The following PAPPA2 variants were observed in gnomAD, a reference collection of about 807,000 sequenced individuals.
The protein encoded by PAPPA2 is pappalysin-2.
In PAPPA2, 86 loss-of-function variants were observed where a neutral mutation model predicts 176.4. The ratio of observed to expected loss-of-function variants is 0.49; its 90% confidence interval spans 0.41 to 0.58. PAPPA2 has a LOEUF of 0.58. Among genes scored for constraint, PAPPA2 ranks in the 20% least tolerant of loss-of-function variants. The probability of loss-of-function intolerance (pLI) is 0.00; values close to 1 mark genes in which losing one functional copy is unlikely to be tolerated. For synonymous variants in PAPPA2, 809 were observed against 852.2 expected (o/e 0.95, Z 0.88); for missense variants, 2,073 against 2,256.9 (o/e 0.92, Z 1.65).
chr1:176,606,517 T>A (rs1017297236), intron 3 of PAPPA2, among the ~76,000 whole-genome samples: 3 of 152,128 alleles, frequency 2.0e-5, no homozygotes, highest in Admixed American at 1.3e-4. Flanking sequence ...CAGGCTGGAG[T>A]ACAGTGGCGT....
intron 1 of PAPPA2, among the ~76,000 whole-genome samples, chr1:176,485,995 C>A (rs972342810): frequency 6.6e-6 from 1 of 152,070 alleles, no homozygotes; most frequent in Non-Finnish European, 1.5e-5. Context: ...GGGAAAATGA[C>A]TAGGAAATAT....
intron 1 of PAPPA2, among the ~76,000 whole-genome samples, chr1:176,526,635 A>G (rs1649514510): frequency 6.6e-6 from 1 of 152,200 alleles, no homozygotes; most frequent in Non-Finnish European, 1.5e-5. Flanking sequence ...GTGATTTGCT[A>G]CAGCAGAGAG....
intron 21 of PAPPA2, among the ~76,000 whole-genome samples, chr1:176,814,791 A>G (rs1246003682): frequency 3.3e-5 from 5 of 152,168 alleles, no homozygotes; most frequent in Admixed American, 3.3e-4. Flanking sequence ...CTCTTGCCTG[A>G]TTGCCCTGGC....
At chr1:176,760,452 T>C (rs1035999919) in intron 14 of PAPPA2, among the ~76,000 whole-genome samples, 3 of 152,190 alleles carry the variant, frequency 2.0e-5, no homozygotes, top group Non-Finnish European at 4.4e-5. Flanking sequence ...TCCTAGTGAG[T>C]ATCAACACTT....
chr1:176,830,213 A>G (rs940326096), intron 21 of PAPPA2, among the ~76,000 whole-genome samples: 4 of 152,148 alleles, frequency 2.6e-5, no homozygotes, highest in Non-Finnish European at 2.9e-5. Flanking sequence ...TTAAAAAATA[A>G]ATTTTTAAAA....
chr1:176,609,448 T>C (rs1176477647), intron 3 of PAPPA2, among the ~76,000 whole-genome samples: 3 of 151,996 alleles, frequency 2.0e-5, no homozygotes, highest in African/African-American at 7.3e-5. Context: ...GAGAAGGAAA[T>C]TCAGCAGAAT....
At chr1:176,816,241 G>GTGTATATA (rs371109914) in intron 21 of PAPPA2, among the ~76,000 whole-genome samples, 27 of 113,518 alleles carry the variant, frequency 2.4e-4, no homozygotes, top group South Asian at 8.0e-4. Flanking sequence ...GTGTGTGTGT[G>GTGTATATA]TATATATATA....
intron 1 of PAPPA2, among the ~76,000 whole-genome samples, chr1:176,515,849 A>G (rs983697107): frequency 1.3e-5 from 2 of 152,132 alleles, no homozygotes; most frequent in Non-Finnish European, 2.9e-5. Context: ...TTGGTGTGGA[A>G]GACATTTCCC....
chr1:176,467,938 A>G (rs904932760), intron 1 of PAPPA2, among the ~76,000 whole-genome samples: 1 of 152,218 alleles, frequency 6.6e-6, no homozygotes, highest in African/African-American at 2.4e-5. Flanking sequence ...TAGATGAAGA[A>G]TAGCATTTGT....
rs188504337 is a variant in PAPPA2, at chr1:176,563,794, C to T, written c.919+6553C>T. On this transcript the variant is annotated intron_variant, in intron 2 of 22. Coordinates refer to ENST00000367662, the MANE Select transcript of PAPPA2 (RefSeq NM_020318.3). ...AGTTTCATGGACCAAGGACCCCAGG[C>T]GCTGTGCTCTGAAACACATCACTGC... 5.9e-5 allele frequency among the ~76,000 whole-genome samples: 9 copies of T among 152,252 alleles called. No homozygotes were observed. In the East Asian group the frequency reaches 9.7e-4, roughly 16 times the overall value.
At chr1:176,774,801 C>T (rs1664383353) in intron 17 of PAPPA2, among the ~76,000 whole-genome samples, 1 of 152,208 alleles carries the variant, frequency 6.6e-6, no homozygotes, top group Admixed American at 6.5e-5. Context: ...GTTTCAGTGT[C>T]TGCACAATCT....
At chr1:176,821,366 G>T (rs10732997) in intron 21 of PAPPA2, among the ~76,000 whole-genome samples, 1 of 152,012 alleles carries the variant, frequency 6.6e-6, no homozygotes, top group Non-Finnish European at 1.5e-5. Flanking sequence ...ATTATTTGAA[G>T]TAGATTTGAA....
chr1:176,759,698 G>A (rs927289437), intron 14 of PAPPA2, among the ~76,000 whole-genome samples: 5 of 152,126 alleles, frequency 3.3e-5, no homozygotes, highest in East Asian at 1.9e-4. Flanking sequence ...ATGTCCCTGC[G>A]ATAGCCTCAA....
intron 3 of PAPPA2, among the ~76,000 whole-genome samples, chr1:176,621,474 C>T (rs1655592247): frequency 6.6e-6 from 1 of 152,198 alleles, no homozygotes; most frequent in Non-Finnish European, 1.5e-5. Flanking sequence ...GAATGACTGA[C>T]ACCTCTAGTA....
intron 3 of PAPPA2, among the ~76,000 whole-genome samples, chr1:176,662,683 T>A (rs1658424427): frequency 6.6e-6 from 1 of 152,112 alleles, no homozygotes; most frequent in African/African-American, 2.4e-5. Flanking sequence ...CTGGTTCTTT[T>A]TGATGCTTTA....
intron 4 of PAPPA2, among the ~76,000 whole-genome samples, chr1:176,679,409 A>G (rs1659469197): frequency 6.6e-6 from 1 of 152,090 alleles, no homozygotes; most frequent in East Asian, 1.9e-4. Context: ...CAAAATTAAC[A>G]TGTTGCAACT....
rs760528422 is a variant in PAPPA2, at chr1:176,702,630, A to T, written c.3260A>T (p.Tyr1087Phe). Residue 1087 changes from tyrosine to phenylalanine, a missense_variant, in exon 9 of 23, where the codon TAT (tyrosine) becomes TTT (phenylalanine). Physicochemically the swap from Tyr to Phe is conservative, Grantham distance 22 (BLOSUM62 3). This residue lies in a region of PAPPA2 where 846 missense variants were observed against 857.9 expected (regional missense o/e 0.99). Transcript: ENST00000367662. ...AGGGAGGTCACACCTGGACAGATGTATCAGTACCAAGTTCTAGCTGAAGCT... is the reference window on the plus strand; with the variant it reads ...AGGGAGGTCACACCTGGACAGATGTTTCAGTACCAAGTTCTAGCTGAAGCT... Reference protein sequence around the residue: ...TDVEVTPGQMYQYQVLAEAGG... With the variant: ...TDVEVTPGQMFQYQVLAEAGG... 6.2e-7 allele frequency: 1 copy of T among 1,614,026 alleles called. No individual in the cohort carries two copies. The highest frequency in any genetic ancestry group is 8.5e-7 in the Non-Finnish European group (1 of 1,180,016).
rs535453250 is a variant in PAPPA2, at chr1:176,592,628, A to C, written c.920-1896A>C. Among the ~76,000 whole-genome samples the C allele has an allele frequency of 5.3e-5, 8 of 152,300 alleles. No homozygotes were observed. The South Asian group carries it at 1.7e-3, about 32-fold the overall frequency. ...GCAAGTAGATGTCTGGCAGATAATC[A>C]TGCTAATTATCTGGTAACTTATATG... On this transcript the variant is annotated intron_variant, in intron 2 of 22. Coordinates refer to ENST00000367662, the MANE Select transcript of PAPPA2 (RefSeq NM_020318.3).
rs148948282 is a variant in PAPPA2 at position 176,759,471 on chromosome 1, G to A, written c.4152-6195G>A. On this transcript the variant is annotated intron_variant, in intron 14 of 22. Transcript: ENST00000367662. ...GGAAATGGAGTTTTTAATCTTTCAC[G>A]CACTCTTACATAGGAAAAAAAATTA... is the stretch of plus-strand genomic sequence containing the variant. Among the ~76,000 whole-genome samples the A allele has an allele frequency of 7.9e-4, 120 of 152,094 alleles. No homozygotes were observed. In the Middle Eastern group the frequency reaches 0.01, roughly 13 times the overall value.
Sources: gnomAD v4.1 joint callset for allele counts (sites outside exome capture counted in the v4.1 genomes callset) on GRCh38, gnomAD v4.1.1 for gene constraint, gnomAD v4.1.1 regional missense constraint, MANE v1.5 for transcripts, NCBI Gene and HGNC (gene_info 2026-07-23, HGNC 2026-07-21) for gene names.